The following SH3RF1 variants were observed in gnomAD, a reference collection of about 807,000 sequenced individuals.
The protein encoded by SH3RF1 is E3 ubiquitin-protein ligase SH3RF1.
SH3RF1 carries 32 observed loss-of-function variants against 74.0 expected under a neutral mutation model. That is an observed-to-expected ratio of 0.43 (90% CI 0.33 to 0.58). The LOEUF (loss-of-function observed/expected upper bound fraction) is 0.58, where lower values mean the gene tolerates loss of function less well. Among genes scored for constraint, SH3RF1 ranks in the 20% least tolerant of loss-of-function variants. The pLI is 0.05. For missense variants in SH3RF1, 954 were observed against 1,130.9 expected, an observed-to-expected ratio of 0.84 and a Z score of 2.24; for synonymous variants, 396 against 439.6, an observed-to-expected ratio of 0.90 and a Z score of 1.24.
rs202117650 is a variant in SH3RF1 at position 169,231,576 on chromosome 4, T to A, written c.393+37244A>T. Among the ~76,000 whole-genome samples the A allele has an allele frequency of 3.1e-3, 448 of 143,542 alleles. 7 individuals carry two copies. In the East Asian group the frequency reaches 0.041, roughly 13 times the overall value. 94.2% of individuals were successfully genotyped at this position (143,542 alleles called of 152,430 possible). ...GCGAGACTCCGTCTCAAAAAAAAAATTTTTTTTTTTAATAAATAAATAAAA... is the reference window on the plus strand; with the variant it reads ...GCGAGACTCCGTCTCAAAAAAAAAAATTTTTTTTTTAATAAATAAATAAAA... On this transcript the variant is annotated intron_variant, in intron 2 of 11. Transcript: ENST00000284637.
intron 2 of SH3RF1, among the ~76,000 whole-genome samples, chr4:169,249,853 A>G (rs1293738657): frequency 2.0e-5 from 3 of 152,250 alleles, no homozygotes; most frequent in Admixed American, 2.0e-4. Flanking sequence ...TAACCCATAC[A>G]GCAATGATTA....
intron 2 of SH3RF1, among the ~76,000 whole-genome samples, chr4:169,160,583 A>G (rs1237247551): frequency 1.3e-5 from 2 of 152,234 alleles, no homozygotes; most frequent in Admixed American, 6.5e-5. Context: ...GCTTATGACA[A>G]TCTAACCCAT....
At chr4:169,230,855 C>CAA (rs35156191) in intron 2 of SH3RF1, among the ~76,000 whole-genome samples, 14 of 122,124 alleles carry the variant, frequency 1.1e-4, no homozygotes, top group African/African-American at 4.3e-4. Context: ...GAAACCACCT[C>CAA]AAAAAAAAAA....
At chr4:169,234,841 G>T (rs1730801458) in intron 2 of SH3RF1, among the ~76,000 whole-genome samples, 1 of 152,114 alleles carries the variant, frequency 6.6e-6, no homozygotes, top group Non-Finnish European at 1.5e-5. Context: ...ATAGTTGTTT[G>T]TTGGGGAGCG....
chr4:169,256,237 AGGAAGAAAG>A (rs1184465851), intron 2 of SH3RF1, among the ~76,000 whole-genome samples: 3 of 151,500 alleles, frequency 2.0e-5, no homozygotes, highest in African/African-American at 7.3e-5. Flanking sequence ...GAGGCAGAGA[AGGAAGAAAG>A]GGAGGGAGGC....
chr4:169,162,622 T>C (rs1734167746), intron 2 of SH3RF1, among the ~76,000 whole-genome samples: 2 of 152,216 alleles, frequency 1.3e-5, no homozygotes, highest in Admixed American at 1.3e-4. Flanking sequence ...CTACCAGCAC[T>C]TTGAGGATGG....
At chr4:169,249,320 C>T (rs1219923724) in intron 2 of SH3RF1, among the ~76,000 whole-genome samples, 1 of 152,194 alleles carries the variant, frequency 6.6e-6, no homozygotes, top group Non-Finnish European at 1.5e-5. Flanking sequence ...GAGGCTTCAC[C>T]CACCATTAGG....
intron 2 of SH3RF1, among the ~76,000 whole-genome samples, chr4:169,161,220 A>G (rs1383857096): frequency 2.0e-5 from 3 of 152,238 alleles, no homozygotes; most frequent in South Asian, 4.1e-4. Flanking sequence ...AGCTTTATCA[A>G]AAAGCTTGGC....
intron 6 of SH3RF1, among the ~76,000 whole-genome samples, chr4:169,129,153 G>A (rs1733571469): frequency 1.3e-5 from 2 of 152,196 alleles, no homozygotes; most frequent in South Asian, 4.1e-4. Context: ...TGGGCAGGCA[G>A]GGTGATGCAA....
chr4:169,231,941 A>T (rs1353649100), intron 2 of SH3RF1, among the ~76,000 whole-genome samples: 1 of 152,168 alleles, frequency 6.6e-6, no homozygotes, highest in Non-Finnish European at 1.5e-5. Context: ...ACAGTTTAAA[A>T]TTTTTTCCTC....
Position 169,269,200 on chromosome 4 carries a change from C to A in SH3RF1, c.13G>T (p.Ala5Ser), listed in dbSNP as rs775592022. Residue 5 changes from alanine to serine, a missense_variant, in exon 2 of 12, where the codon GCC (alanine) becomes TCC (serine). By Grantham distance (99) the Ala-to-Ser change is moderately conservative. This residue lies in a region of SH3RF1 where 64 missense variants were observed against 101.9 expected (regional missense o/e 0.63). Coordinates refer to ENST00000284637, the MANE Select transcript of SH3RF1 (RefSeq NM_020870.4). Reference protein sequence around the residue: MDESALLDLLECPVC... With the variant: MDESSLLDLLECPVC... ...GGACACTCCAAAAGATCCAACAAGGCTGATTCATCCATCTTTATCTACTTT... is the reference window on the plus strand; with the variant it reads ...GGACACTCCAAAAGATCCAACAAGGATGATTCATCCATCTTTATCTACTTT... The A allele has an allele frequency of 3.2e-6, 5 of 1,580,322 alleles. No individual in the cohort carries two copies. The Admixed American group carries it at 8.9e-5, about 28-fold the overall frequency.
intron 10 of SH3RF1, among the ~76,000 whole-genome samples, chr4:169,115,100 T>G (rs1035447806): frequency 7.2e-5 from 11 of 152,222 alleles, no homozygotes; most frequent in African/African-American, 2.7e-4. Context: ...CATCGGTTAT[T>G]CTTTCCAATA....
intron 10 of SH3RF1, among the ~76,000 whole-genome samples, chr4:169,107,728 T>C (rs903110456): frequency 1.3e-5 from 2 of 152,238 alleles, no homozygotes; most frequent in Non-Finnish European, 2.9e-5. Flanking sequence ...TCCACAGGCA[T>C]GGACGTGAGC....
At chr4:169,172,809 A>G (rs529678907) in intron 2 of SH3RF1, among the ~76,000 whole-genome samples, 22 of 152,304 alleles carry the variant, frequency 1.4e-4, no homozygotes, top group African/African-American at 4.3e-4. Flanking sequence ...GCAAGCGAAG[A>G]AGGTGGGATG....
At chr4:169,213,997 G>C (rs1467552555) in intron 2 of SH3RF1, among the ~76,000 whole-genome samples, 1 of 152,086 alleles carries the variant, frequency 6.6e-6, no homozygotes, top group Non-Finnish European at 1.5e-5. Flanking sequence ...CTATTATGGG[G>C]CTTTTGCCTC....
intron 2 of SH3RF1, among the ~76,000 whole-genome samples, chr4:169,174,770 A>C (rs573684131): frequency 1.3e-5 from 2 of 152,118 alleles, no homozygotes; most frequent in Admixed American, 1.3e-4. Context: ...AAACCAATTA[A>C]ATAAAAATCT....
intron 9 of SH3RF1, among the ~76,000 whole-genome samples, chr4:169,117,023 G>C (rs1733346316): frequency 6.6e-6 from 1 of 151,842 alleles, no homozygotes; most frequent in Non-Finnish European, 1.5e-5. Flanking sequence ...CCTTTTTTCT[G>C]TTTTTCTGAT....
Position 169,096,610 on chromosome 4 carries a change from T to C in SH3RF1, c.2576A>G (p.His859Arg). 3 of 1,614,174 alleles carry C rather than the reference T, an allele frequency of 1.9e-6. No individual in the cohort carries two copies. The highest frequency in any genetic ancestry group is 2.5e-6 in the Non-Finnish European group (3 of 1,180,012). The change falls in exon 12 of 12, where the codon CAT (histidine) becomes CGT (arginine). Residue 859 changes from histidine (H) to arginine (R), a missense_variant. Transcript: ENST00000284637. ...ELKEGDIVFV[H>R]KKREDGWFKG... is the part of the protein sequence containing the mutation. ...GAACCAGCCATCCTCTCGTTTTTTA[T>C]GAACAAACACAATATCTCCTTCTTT...
At chr4:169,126,171 T>C (rs917686341) in intron 6 of SH3RF1, among the ~76,000 whole-genome samples, 3 of 152,244 alleles carry the variant, frequency 2.0e-5, no homozygotes, top group African/African-American at 4.8e-5. Context: ...TCACCCGTCT[T>C]TGTATTGGTG....
Sources: allele counts gnomAD v4.1 joint callset (sites outside exome capture counted in the v4.1 genomes callset), GRCh38; gene constraint gnomAD v4.1.1; regional missense constraint gnomAD v4.1.1; transcripts MANE v1.5; gene names NCBI Gene and HGNC (gene_info 2026-07-23, HGNC 2026-07-21).